The following DLG2 variants were observed in gnomAD, a reference collection of about 807,000 sequenced individuals.
The protein encoded by DLG2 is disks large homolog 2.
In DLG2, 45 loss-of-function variants were observed where a neutral mutation model predicts 132.5. That is an observed-to-expected ratio of 0.34 (90% CI 0.27 to 0.44). The LOEUF is 0.44. Among genes scored for constraint, DLG2 ranks in the 20% least tolerant of loss-of-function variants. DLG2 has a pLI of 1.00. For synonymous variants in DLG2, 424 were observed against 419.6 expected, an observed-to-expected ratio of 1.01 and a Z score of -0.13; for missense variants, 1,045 against 1,196.9, an observed-to-expected ratio of 0.87 and a Z score of 1.87.
chr11:84,539,566 C>T (rs1300281765), intron 6 of DLG2, among the ~76,000 whole-genome samples: 2 of 152,146 alleles, frequency 1.3e-5, no homozygotes, highest in African/African-American at 2.4e-5. Flanking sequence ...TTGAAGGGGA[C>T]TTGAGTAAAA....
intron 15 of DLG2, among the ~76,000 whole-genome samples, chr11:83,895,759 C>G (rs1475582818): frequency 6.6e-6 from 1 of 152,142 alleles, no homozygotes; most frequent in Non-Finnish European, 1.5e-5. Context: ...GCTTTGTTTC[C>G]ACAGCACCCA....
intron 3 of DLG2, among the ~76,000 whole-genome samples, chr11:85,286,806 T>A (rs761176609): frequency 2.2e-4 from 34 of 151,968 alleles, no homozygotes; most frequent in Non-Finnish European, 4.6e-4. Flanking sequence ...TAAAAGAAGC[T>A]CCTTGGAGAA....
rs182327726 is a variant in DLG2 at position 84,061,833 on chromosome 11, C to T, written c.750-2349G>A. ...TATGGCTTTAATAGACTTACACATACATTTCCTCTCTGATTGACAAAAAAA... is the reference window on the plus strand; with the variant it reads ...TATGGCTTTAATAGACTTACACATATATTTCCTCTCTGATTGACAAAAAAA... On this transcript the variant is annotated intron_variant, in intron 10 of 27. Transcript: ENST00000376104. Among the ~76,000 whole-genome samples, 3 of 122,352 alleles carry T rather than the reference C, an allele frequency of 2.5e-5. No individual in the cohort carries two copies. The East Asian group carries it at 7.3e-4, about 30-fold the overall frequency. The allele number at this position is 122,352 out of a possible 152,430, so 80.3% of individuals were successfully genotyped here.
chr11:85,516,067 C>T (rs1440217474), intron 3 of DLG2, among the ~76,000 whole-genome samples: 8 of 151,914 alleles, frequency 5.3e-5, no homozygotes. Flanking sequence ...TACATTGACT[C>T]TCTCTGCTAA....
intron 4 of DLG2, among the ~76,000 whole-genome samples, chr11:85,170,272 T>C (rs1230859006): frequency 2.6e-5 from 4 of 152,108 alleles, no homozygotes; most frequent in African/African-American, 7.2e-5. Flanking sequence ...GGCCTGTTTG[T>C]TCAGATTTTT....
chr11:83,984,746 A>C (rs2093115882), intron 11 of DLG2, among the ~76,000 whole-genome samples: 1 of 152,154 alleles, frequency 6.6e-6, no homozygotes, highest in South Asian at 2.1e-4. Context: ...TGCACATGAT[A>C]ATTTGATACA....
At chr11:85,539,933 A>G (rs1256803264) in intron 3 of DLG2, among the ~76,000 whole-genome samples, 2 of 152,202 alleles carry the variant, frequency 1.3e-5, no homozygotes, top group Non-Finnish European at 1.5e-5. Flanking sequence ...TCAACCCTAG[A>G]GGTCACAACT....
chr11:84,951,275 G>T (rs777091009), intron 6 of DLG2, among the ~76,000 whole-genome samples: 25 of 152,118 alleles, frequency 1.6e-4, no homozygotes, highest in Non-Finnish European at 3.1e-4. Flanking sequence ...TATATGGCAA[G>T]ATCTTCATCT....
intron 3 of DLG2, among the ~76,000 whole-genome samples, chr11:85,585,819 T>G (rs2078930434): frequency 6.6e-6 from 1 of 151,970 alleles, no homozygotes; most frequent in African/African-American, 2.4e-5. Context: ...GTTCAAGCTA[T>G]TCTCCTGCCT....
chr11:84,165,892 C>T (rs772039650), intron 8 of DLG2, among the ~76,000 whole-genome samples: 9 of 151,770 alleles, frequency 5.9e-5, no homozygotes, highest in Non-Finnish European at 1.0e-4. Context: ...AGTGAGATCC[C>T]GTCTCAAAAA....
intron 15 of DLG2, among the ~76,000 whole-genome samples, chr11:83,892,049 A>G (rs953404290): frequency 6.6e-6 from 1 of 152,164 alleles, no homozygotes; most frequent in Non-Finnish European, 1.5e-5. Flanking sequence ...TAAAAGGCCA[A>G]TTGTTCAGTT....
chr11:84,585,924 G>A (rs1227404627), intron 6 of DLG2, among the ~76,000 whole-genome samples: 1 of 152,200 alleles, frequency 6.6e-6, no homozygotes, highest in Non-Finnish European at 1.5e-5. Context: ...GGCTGAGGTG[G>A]GTGAATCACT....
At chr11:84,596,383 T>C (rs1012008332) in intron 6 of DLG2, among the ~76,000 whole-genome samples, 73 of 150,254 alleles carry the variant, frequency 4.9e-4, no homozygotes, top group East Asian at 2.3e-3. Context: ...AATTTTCTTT[T>C]TTTTTTTTTT....
At chr11:84,271,649 G>T (rs2097723781) in intron 7 of DLG2, among the ~76,000 whole-genome samples, 1 of 152,158 alleles carries the variant, frequency 6.6e-6, no homozygotes, top group Non-Finnish European at 1.5e-5. Flanking sequence ...CAGGCACTGT[G>T]CTAGACACTG....
chr11:85,532,657 C>T (rs2075288252), intron 3 of DLG2, among the ~76,000 whole-genome samples: 1 of 152,150 alleles, frequency 6.6e-6, no homozygotes, highest in Non-Finnish European at 1.5e-5. Context: ...TATGTCACAT[C>T]CTTTCTTTTT....
chr11:83,604,252 A>G (rs746637190), intron 19 of DLG2, among the ~76,000 whole-genome samples: 2 of 152,226 alleles, frequency 1.3e-5, no homozygotes, highest in African/African-American at 2.4e-5. Flanking sequence ...CAATGCTTCA[A>G]ACTGCTTCCT....
chr11:84,419,876 C>T (rs1243348340), intron 7 of DLG2, among the ~76,000 whole-genome samples: 1 of 152,192 alleles, frequency 6.6e-6, no homozygotes, highest in East Asian at 1.9e-4. Flanking sequence ...CTCTATCAGG[C>T]AATACCTTCA....
At chr11:85,489,448 A>G (rs2093507032) in intron 3 of DLG2, among the ~76,000 whole-genome samples, 7 of 152,202 alleles carry the variant, frequency 4.6e-5, no homozygotes, top group Admixed American at 4.6e-4. Context: ...AGGGACAGTA[A>G]AACAATAATA....
chr11:83,763,101 T>C (rs546986049), intron 18 of DLG2, among the ~76,000 whole-genome samples: 10 of 152,210 alleles, frequency 6.6e-5, no homozygotes, highest in Non-Finnish European at 1.5e-4. Flanking sequence ...GGGACATCAG[T>C]TCTCCCCTAT....
Sources: gnomAD v4.1 joint callset for allele counts (sites outside exome capture counted in the v4.1 genomes callset) on GRCh38, gnomAD v4.1.1 for gene constraint, MANE v1.5 for transcripts, NCBI Gene and HGNC (gene_info 2026-07-23, HGNC 2026-07-21) for gene names.